ELOVL6: variants seen among roughly 807,000 people sequenced by gnomAD.
ELOVL6 encodes very long chain fatty acid elongase 6.
A neutral mutation model predicts 31.7 loss-of-function variants in ELOVL6; 8 were observed. The observed-to-expected ratio is 0.25, with a 90% CI of 0.15 to 0.45. The LOEUF is 0.45. Ranked by LOEUF, ELOVL6 falls within the 20% of genes least tolerant of loss-of-function variation. ELOVL6 has a pLI of 1.00. For synonymous variants in ELOVL6, 101 were observed against 117.7 expected, an observed-to-expected ratio of 0.86 and a Z score of 0.92; for missense variants, 126 against 326.4, an observed-to-expected ratio of 0.39 and a Z score of 4.73.
At chr4:110,094,599 C>A (rs1021173373) in intron 2 of ELOVL6, among the ~76,000 whole-genome samples, 4 of 150,210 alleles carry the variant, frequency 2.7e-5, no homozygotes, top group African/African-American at 9.8e-5. Flanking sequence ...GGCCTTGTGA[C>A]CATGTTTGAG....
chr4:110,139,411 T>C (rs944447094), intron 1 of ELOVL6, among the ~76,000 whole-genome samples: 1 of 152,090 alleles, frequency 6.6e-6, no homozygotes, highest in Non-Finnish European at 1.5e-5. Flanking sequence ...CCTTCTCTTA[T>C]TTAAGTTTAT....
intron 3 of ELOVL6, among the ~76,000 whole-genome samples, chr4:110,052,368 G>A (rs1434392816): frequency 1.3e-5 from 2 of 152,220 alleles, no homozygotes; most frequent in African/African-American, 4.8e-5. Flanking sequence ...AAATGGCAGT[G>A]AGAAAAGTAA....
chr4:110,096,607 C>T (rs893616724), intron 2 of ELOVL6, among the ~76,000 whole-genome samples: 3 of 152,092 alleles, frequency 2.0e-5, no homozygotes, highest in African/African-American at 7.2e-5. Flanking sequence ...ATTGGAATTT[C>T]TGATGTCAGG....
intron 1 of ELOVL6, among the ~76,000 whole-genome samples, chr4:110,117,418 G>C (rs1757197947): frequency 6.6e-6 from 1 of 152,154 alleles, no homozygotes; most frequent in Non-Finnish European, 1.5e-5. Flanking sequence ...TTCAAGCACA[G>C]AGTAAATAAA....
chr4:110,056,666 A>T (rs1754995154), intron 3 of ELOVL6, among the ~76,000 whole-genome samples: 1 of 152,204 alleles, frequency 6.6e-6, no homozygotes. Context: ...TTTTTCCAAC[A>T]CTTCAATCTC....
chr4:110,100,972 T>C (rs888768634), intron 2 of ELOVL6, among the ~76,000 whole-genome samples: 9 of 152,248 alleles, frequency 5.9e-5, no homozygotes, highest in Non-Finnish European at 1.2e-4. Flanking sequence ...TAATGAAGTT[T>C]TCATTTATGA....
chr4:110,141,844 C>T (rs1757969842), intron 1 of ELOVL6, among the ~76,000 whole-genome samples: 4 of 89,126 alleles, frequency 4.5e-5, no homozygotes. Flanking sequence ...TACACTAACA[C>T]AATACAATTA....
intron 1 of ELOVL6, among the ~76,000 whole-genome samples, chr4:110,140,546 C>T (rs906794165): frequency 6.6e-6 from 1 of 152,028 alleles, no homozygotes; most frequent in African/African-American, 2.4e-5. Context: ...AGCGTCATGC[C>T]ACCATGCTTC....
At chr4:110,144,171 C>T (rs1758043283) in intron 1 of ELOVL6, among the ~76,000 whole-genome samples, 1 of 151,974 alleles carries the variant, frequency 6.6e-6, no homozygotes, top group Non-Finnish European at 1.5e-5. Context: ...TTCTCTTTGA[C>T]CCACTAGCTA....
At position 110,133,628 on chromosome 4, in the gene ELOVL6, A is replaced by C. The variant is rs191515335; in HGVS notation, c.90-28000T>G. On this transcript the variant is annotated intron_variant, in intron 1 of 3. Transcript: ENST00000302274. ...GGCATGCACCTTCTCATCTTGCTTA[A>C]CCCTTCATTTAAGTCCCAAGTCTGT... Among the ~76,000 whole-genome samples the C allele has an allele frequency of 5.5e-3, 833 of 152,260 alleles. 5 individuals are homozygous for C. Among genetic ancestry groups the C allele is most frequent in the Middle Eastern group, 0.01 (3 of 294 alleles).
At chr4:110,132,010 A>G (rs1757683831) in intron 1 of ELOVL6, among the ~76,000 whole-genome samples, 2 of 152,162 alleles carry the variant, frequency 1.3e-5, no homozygotes, top group East Asian at 1.9e-4. Flanking sequence ...GCTGGACACA[A>G]CCACTCAGTG....
chr4:110,189,644 A>G (rs1008398976), intron 1 of ELOVL6, among the ~76,000 whole-genome samples: 1 of 147,906 alleles, frequency 6.8e-6, no homozygotes, highest in Non-Finnish European at 1.5e-5. Flanking sequence ...GAAGAAAATG[A>G]AGTTATACTT....
chr4:110,152,219 A>C (rs1159712738), intron 1 of ELOVL6, among the ~76,000 whole-genome samples: 1 of 152,210 alleles, frequency 6.6e-6, no homozygotes, highest in Non-Finnish European at 1.5e-5. Flanking sequence ...TCAAGAGGGC[A>C]TACCTTATGT....
rs1754754669 is a variant in ELOVL6, at chr4:110,048,449, G to C, written c.*2889C>G. ...CAATGCTTTCACCATAGTAGGATCG[G>C]GATGCAGTGGAAAATCTTCAATAGA... is the stretch of plus-strand genomic sequence containing the variant. On this transcript the variant is annotated 3_prime_UTR_variant, in exon 4 of 4. Coordinates refer to ENST00000302274, the MANE Select transcript of ELOVL6 (RefSeq NM_024090.3). The C allele has an allele frequency of 6.6e-6, 1 of 152,126 alleles. No individual in the cohort carries two copies. Among genetic ancestry groups the C allele is most frequent in the Non-Finnish European group, 1.5e-5 (1 of 68,030 alleles). 9.4% of individuals were successfully genotyped at this position (152,126 alleles called of 1,614,324 possible). A position where few individuals can be genotyped will look rare whatever the true frequency, so the allele number is the denominator to read the frequency against.
In ELOVL6 at chr4:110,084,408, G is replaced by GC. The variant is rs1560815251; in HGVS notation, c.221+21088_221+21089insG. On this transcript the variant is annotated intron_variant, in intron 2 of 3. Coordinates refer to ENST00000302274, the MANE Select transcript of ELOVL6 (RefSeq NM_024090.3). ...ATCGCATATATGATATATGATATAT[G>GC]ACATACATGATATATCACATATATC... Among the ~76,000 whole-genome samples, 7 of 27,408 alleles carry GC rather than the reference G, an allele frequency of 2.6e-4. 1 individual carries two copies. Among genetic ancestry groups the GC allele is most frequent in the Non-Finnish European group, 5.0e-4 (6 of 12,104 alleles). 18.0% of individuals were successfully genotyped at this position (27,408 alleles called of 152,430 possible).
intron 2 of ELOVL6, among the ~76,000 whole-genome samples, chr4:110,079,041 T>C (rs1755747658): frequency 6.6e-6 from 1 of 152,188 alleles, no homozygotes; most frequent in Non-Finnish European, 1.5e-5. Flanking sequence ...AAGAGATAAC[T>C]ATCCTAAATA....
intron 1 of ELOVL6, among the ~76,000 whole-genome samples, chr4:110,166,157 G>T (rs189321480): frequency 1.0e-3 from 153 of 152,202 alleles, no homozygotes; most frequent in Non-Finnish European, 1.5e-3. Context: ...GTTGCTCAAG[G>T]CACATTCATT....
intron 1 of ELOVL6, among the ~76,000 whole-genome samples, chr4:110,151,162 T>C (rs116416507): frequency 0.011 from 1,600 of 152,186 alleles, 32 homozygotes; most frequent in African/African-American, 0.037. Flanking sequence ...TAATACAGGT[T>C]GAGTATCTTT....
chr4:110,171,810 C>T (rs1758956548), intron 1 of ELOVL6, among the ~76,000 whole-genome samples: 1 of 148,830 alleles, frequency 6.7e-6, no homozygotes, highest in Admixed American at 6.9e-5. Context: ...CCACCTCAGA[C>T]TCCCAAGTAA....
Sources: gnomAD v4.1 joint callset for allele counts (sites outside exome capture counted in the v4.1 genomes callset) on GRCh38, gnomAD v4.1.1 for gene constraint, MANE v1.5 for transcripts, NCBI Gene and HGNC (gene_info 2026-07-23, HGNC 2026-07-21) for gene names.